Variants in ZC3H12B observed in about 807,000 individuals in gnomAD.
The protein encoded by ZC3H12B is zinc finger CCCH-type containing 12B.
In ZC3H12B, 7 loss-of-function variants were observed where a neutral mutation model predicts 43.9. The observed-to-expected ratio is 0.16, with a 90% CI of 0.09 to 0.30. ZC3H12B has a LOEUF of 0.30. Ranked by LOEUF, ZC3H12B falls within the 10% of genes least tolerant of loss-of-function variation. ZC3H12B has a pLI of 1.00. For missense variants in ZC3H12B, 475 were observed against 670.2 expected (o/e 0.71, Z 3.22); for synonymous variants, 222 against 241.7 (o/e 0.92, Z 0.76).
chrX:65,400,291 C>T (rs998690352), intron 3 of ZC3H12B, among the ~76,000 whole-genome samples: 2 of 111,219 alleles, frequency 1.8e-5, no homozygotes, highest in African/African-American at 6.5e-5. Context: ...GAGAAACTGG[C>T]TTATGCATAG....
chrX:65,093,511 G>A, the ZC3H12B span, among the ~76,000 whole-genome samples: 3 of 112,300 alleles, frequency 2.7e-5, no homozygotes, highest in Admixed American at 9.4e-5. Context: ...GGGCAGGGCT[G>A]TGCAAGGCCT....
At chrX:65,107,824 CTG>C in the ZC3H12B span, among the ~76,000 whole-genome samples, 1 of 111,240 alleles carries the variant, frequency 9.0e-6, no homozygotes, top group Non-Finnish European at 1.9e-5. Context: ...CCCTGCGAAA[CTG>C]TGAGTCAAAC....
At chrX:65,067,926 T>C in the ZC3H12B span, among the ~76,000 whole-genome samples, 3 of 110,950 alleles carry the variant, frequency 2.7e-5, no homozygotes, top group Non-Finnish European at 1.9e-5. Context: ...AGTTTTGGTA[T>C]GTTATATTCT....
chrX:65,380,803 C>G (rs1286065886), intron 2 of ZC3H12B, among the ~76,000 whole-genome samples: 1 of 111,182 alleles, frequency 9.0e-6, no homozygotes, highest in African/African-American at 3.3e-5. Context: ...GGGTTGCAAT[C>G]CTAGTCTCTG....
chrX:65,305,109 C>G, the ZC3H12B span, among the ~76,000 whole-genome samples: 1 of 111,563 alleles, frequency 9.0e-6, no homozygotes, highest in Non-Finnish European at 1.9e-5. Context: ...GATATATCAC[C>G]ACACATCTAT....
chrX:65,115,550 T>C, the ZC3H12B span, among the ~76,000 whole-genome samples: 1 of 111,457 alleles, frequency 9.0e-6, no homozygotes, highest in Non-Finnish European at 1.9e-5. Context: ...TAATGCCTTG[T>C]TTTCCTCTGG....
rs1388756047 is a variant in ZC3H12B at position 65,444,999 on chromosome X, G to A, written n.408-43647G>A. ...TCAATTCTGCTATTGAGAAACTGATGTATTCTTCAGTACACCAATTGAATT... is the reference window on the plus strand; with the variant it reads ...TCAATTCTGCTATTGAGAAACTGATATATTCTTCAGTACACCAATTGAATT... On this transcript the variant is annotated intron_variant and non_coding_transcript_variant, in intron 3 of 5. Transcript: ENST00000617377. Among the ~76,000 whole-genome samples, 6 of 111,945 alleles carry A rather than the reference G, an allele frequency of 5.4e-5. No individual in the cohort carries two copies. The East Asian group carries it at 1.4e-3, about 26-fold the overall frequency.
chrX:65,054,753 T>C, the ZC3H12B span, among the ~76,000 whole-genome samples: 2 of 111,647 alleles, frequency 1.8e-5, no homozygotes, highest in Non-Finnish European at 3.8e-5. Context: ...TGTATCCTCT[T>C]TTATTTCATT....
chrX:65,314,163 C>T, the ZC3H12B span, among the ~76,000 whole-genome samples: 1 of 110,472 alleles, frequency 9.1e-6, no homozygotes, highest in African/African-American at 3.3e-5. Context: ...TACTCAGGGA[C>T]ATGTGGAACA....
chrX:65,085,868 C>T, the ZC3H12B span, among the ~76,000 whole-genome samples: 1 of 111,552 alleles, frequency 9.0e-6, no homozygotes, highest in South Asian at 3.8e-4. Flanking sequence ...GAGTCAGTTG[C>T]TGACCTGATT....
the ZC3H12B span, among the ~76,000 whole-genome samples, chrX:65,106,400 C>T: frequency 9.0e-6 from 1 of 111,485 alleles, no homozygotes; most frequent in Admixed American, 9.6e-5. Flanking sequence ...CTTGGTCAGA[C>T]TTGCATTTCA....
chrX:65,056,572 T>G, the ZC3H12B span, among the ~76,000 whole-genome samples: 2 of 111,854 alleles, frequency 1.8e-5, no homozygotes, highest in African/African-American at 6.5e-5. Flanking sequence ...TTCTGTTGAT[T>G]TGGGGTGGAG....
chrX:65,388,705 G>A (rs2066567155), intron 2 of ZC3H12B, among the ~76,000 whole-genome samples: 1 of 111,876 alleles, frequency 8.9e-6, no homozygotes, highest in African/African-American at 3.2e-5. Flanking sequence ...TCCTTTGGAG[G>A]AGGAGAGGTG....
intron 3 of ZC3H12B, chrX:65,408,420 A>T (rs1429302949): frequency 5.8e-6 from 7 of 1,206,617 alleles, no homozygotes; most frequent in Non-Finnish European, 7.8e-6. Context: ...CGTGCCAAAC[A>T]GGTGACCATG....
At chrX:65,375,251 G>A (rs944458577) in intron 2 of ZC3H12B, among the ~76,000 whole-genome samples, 3 of 112,129 alleles carry the variant, frequency 2.7e-5, no homozygotes, top group African/African-American at 6.5e-5. Flanking sequence ...AATGGAGGAG[G>A]CATTTAGACC....
At chrX:65,314,911 G>A in the ZC3H12B span, among the ~76,000 whole-genome samples, 2 of 110,786 alleles carry the variant, frequency 1.8e-5, no homozygotes, top group African/African-American at 6.5e-5. Flanking sequence ...TTTTATTTTA[G>A]GGGTAAAATA....
chrX:65,225,278 A>G, the ZC3H12B span, among the ~76,000 whole-genome samples: 25 of 112,320 alleles, frequency 2.2e-4, no homozygotes, highest in Non-Finnish European at 4.1e-4. Context: ...TCTGGAGTGG[A>G]CCTCCAGCAA....
At chrX:65,108,870 G>C in the ZC3H12B span, among the ~76,000 whole-genome samples, 1 of 111,463 alleles carries the variant, frequency 9.0e-6, no homozygotes, top group Non-Finnish European at 1.9e-5. Context: ...AATGGTTGCA[G>C]AGTCACTAGA....
upstream of ZC3H12B, among the ~76,000 whole-genome samples, chrX:65,486,329 A>G (rs903112834): frequency 7.1e-5 from 8 of 112,269 alleles, no homozygotes; most frequent in South Asian, 3.7e-4. Flanking sequence ...CTTCTAGCCA[A>G]CGTTTTACTA....
Sources: gnomAD v4.1 joint callset for allele counts (sites outside exome capture counted in the v4.1 genomes callset) on GRCh38, gnomAD v4.1.1 for gene constraint, MANE v1.5 for transcripts, NCBI Gene and HGNC (gene_info 2026-07-23, HGNC 2026-07-21) for gene names.